Variants in GSG1L observed in about 807,000 individuals in gnomAD.
GSG1L encodes germ cell-specific gene 1-like protein.
A neutral mutation model predicts 42.1 loss-of-function variants in GSG1L; 24 were observed. The ratio of observed to expected loss-of-function variants is 0.57; its 90% CI spans 0.41 to 0.80. The LOEUF (loss-of-function observed/expected upper bound fraction) is 0.80, where lower values mean the gene tolerates loss of function less well. Ranked by LOEUF, GSG1L falls within the 30% of genes least tolerant of loss-of-function variation. The pLI, the probability that GSG1L is intolerant of heterozygous loss-of-function variation, is 0.00. For synonymous variants in GSG1L, 215 were observed against 203.5 expected (o/e 1.06, Z -0.48); for missense variants, 445 against 472.2 (o/e 0.94, Z 0.53).
At chr16:28,031,419 G>C (rs2085962944) in intron 1 of GSG1L, among the ~76,000 whole-genome samples, 1 of 151,620 alleles carries the variant, frequency 6.6e-6, no homozygotes, top group Non-Finnish European at 1.5e-5. Flanking sequence ...ATGGGATGAT[G>C]GGATGGGTTG....
Position 27,828,828 on chromosome 16 carries a change from G to T in GSG1L, c.791C>A (p.Thr264Asn). Residue 264 changes from threonine to asparagine, a missense_variant, in exon 5 of 7, where the codon ACC becomes AAC. Thr to Asn is a moderately conservative substitution (Grantham distance 65). This residue lies in a region of GSG1L where 140 missense variants were observed against 120.6 expected (regional missense o/e 1.16). Transcript: ENST00000447459. ...VFEQGYREEP[T>N]FIDPEAIKYF... is the part of the protein sequence containing the mutation. ...CTTGATGGCCTCAGGGTCTATGAAG[G>T]TCGGCTCTTCCCGGTAGCCCTGCTC... 9 of 1,614,166 alleles carry T rather than the reference G, an allele frequency of 5.6e-6. No individual in the cohort carries two copies. The highest frequency in any genetic ancestry group is 7.6e-6 in the Non-Finnish European group (9 of 1,180,026).
chr16:27,861,353 G>A (rs1013479798), intron 3 of GSG1L, among the ~76,000 whole-genome samples: 9 of 151,694 alleles, frequency 5.9e-5, no homozygotes, highest in African/African-American at 4.8e-5. Context: ...CTCTAGCCTG[G>A]GCAACAGTGA....
intron 2 of GSG1L, among the ~76,000 whole-genome samples, chr16:27,947,066 C>T (rs973743039): frequency 3.3e-5 from 5 of 152,168 alleles, no homozygotes; most frequent in South Asian, 2.1e-4. Flanking sequence ...ACCCAGAGCC[C>T]GGCTCTCAAA....
intron 1 of GSG1L, among the ~76,000 whole-genome samples, chr16:28,055,834 A>G (rs1409108672): frequency 4.6e-5 from 7 of 152,048 alleles, no homozygotes; most frequent in Non-Finnish European, 8.8e-5. Flanking sequence ...AAAGAGCTTA[A>G]CCTGCACCGT....
intron 5 of GSG1L, among the ~76,000 whole-genome samples, chr16:27,823,425 C>T (rs1031980439): frequency 1.3e-5 from 2 of 151,982 alleles, no homozygotes; most frequent in African/African-American, 4.8e-5. Flanking sequence ...GCCATGCAGT[C>T]GGCTCTTGCA....
intron 1 of GSG1L, among the ~76,000 whole-genome samples, chr16:28,007,746 G>A (rs1159470357): frequency 6.6e-6 from 1 of 151,862 alleles, no homozygotes; most frequent in Non-Finnish European, 1.5e-5. Flanking sequence ...AAACTCCTGG[G>A]CTCAAGTGAT....
intron 2 of GSG1L, among the ~76,000 whole-genome samples, chr16:27,933,048 C>G (rs917216178): frequency 3.9e-5 from 6 of 152,182 alleles, no homozygotes; most frequent in Non-Finnish European, 7.4e-5. Flanking sequence ...CTGACTAATA[C>G]ACATACTATT....
chr16:27,942,142 T>A (rs1317372395), intron 2 of GSG1L, among the ~76,000 whole-genome samples: 1 of 142,280 alleles, frequency 7.0e-6, no homozygotes, highest in South Asian at 2.3e-4. Context: ...AAATTAAAAC[T>A]TCTTCTTTTT....
chr16:28,036,466 C>G (rs1449514388), intron 1 of GSG1L, among the ~76,000 whole-genome samples: 2 of 151,370 alleles, frequency 1.3e-5, no homozygotes, highest in African/African-American at 4.9e-5. Flanking sequence ...CAGTTCCCCC[C>G]TGGTCTGGGG....
At chr16:27,858,028 C>G (rs76821604) in intron 3 of GSG1L, among the ~76,000 whole-genome samples, 1 of 152,190 alleles carries the variant, frequency 6.6e-6, no homozygotes, top group Non-Finnish European at 1.5e-5. Flanking sequence ...CAAGAACATT[C>G]CTCCCAGCAC....
chr16:27,837,635 C>T (rs2140975456), intron 4 of GSG1L, among the ~76,000 whole-genome samples: 1 of 152,352 alleles, frequency 6.6e-6, no homozygotes, highest in East Asian at 1.9e-4. Flanking sequence ...GAGAAAGGGG[C>T]ACCTTGTTAC....
chr16:27,892,796 A>C (rs2141034315), intron 2 of GSG1L, among the ~76,000 whole-genome samples: 1 of 151,946 alleles, frequency 6.6e-6, no homozygotes, highest in South Asian at 2.1e-4. Flanking sequence ...TCTCAAAAAA[A>C]AAAAAAAAAA....
Position 27,888,509 on chromosome 16 carries a change from T to TTCTTTC in GSG1L, c.398-3877_398-3872dup, listed in dbSNP as rs1466597623. Among the ~76,000 whole-genome samples, 3 of 13,398 alleles carry TTCTTTC rather than the reference T, an allele frequency of 2.2e-4. No individual in the cohort carries two copies. The East Asian group carries it at 7.4e-3, about 33-fold the overall frequency. The allele number at this position is 13,398 out of a possible 152,430, so 8.8% of individuals were successfully genotyped here. A position where few individuals can be genotyped will look rare whatever the true frequency, so the allele number is the denominator to read the frequency against. ...TTTCTTTCTTTCTTTCTTTCTTTCT[T>TTCTTTC]TCTTTCTTTCTTTCTTTCTTTCTTT... On this transcript the variant is annotated intron_variant, in intron 2 of 6. Transcript: ENST00000447459.
intron 3 of GSG1L, among the ~76,000 whole-genome samples, chr16:27,849,207 A>ACCCC (rs1567485091): frequency 4.1e-5 from 6 of 145,564 alleles, no homozygotes; most frequent in East Asian, 3.9e-4. Context: ...CAAAAAGAAA[A>ACCCC]AAAAAAAAAA....
chr16:27,821,983 A>T lies in GSG1L; in HGVS notation c.830+6806T>A, dbSNP rs566014916. Among the ~76,000 whole-genome samples the T allele has an allele frequency of 3.3e-5, 5 of 151,886 alleles. No individual in the cohort carries two copies. In the South Asian group the frequency reaches 1.0e-3, roughly 32 times the overall value. ...GCTAAACAAAACACATCTGCAGGCC[A>T]GATTCTCCAAGGACTACCATTTGCC... is the stretch of plus-strand genomic sequence containing the variant. On this transcript the variant is annotated intron_variant, in intron 5 of 6. Transcript: ENST00000447459.
chr16:27,802,827 A>G (rs559170601), intron 6 of GSG1L, among the ~76,000 whole-genome samples: 1 of 150,402 alleles, frequency 6.6e-6, no homozygotes, highest in Admixed American at 6.6e-5. Context: ...GCTAATTTTA[A>G]CTTTTTTTTT....
At chr16:27,922,286 A>G (rs1162423528) in intron 2 of GSG1L, among the ~76,000 whole-genome samples, 1 of 152,068 alleles carries the variant, frequency 6.6e-6, no homozygotes, top group Non-Finnish European at 1.5e-5. Context: ...TGCCCAAGAT[A>G]TTTGTCTAAT....
chr16:27,817,599 T>TCC (rs2083110231), intron 5 of GSG1L, among the ~76,000 whole-genome samples: 1 of 152,078 alleles, frequency 6.6e-6, no homozygotes, highest in Non-Finnish European at 1.5e-5. Flanking sequence ...CAAGTGATCC[T>TCC]CCACCCACCT....
chr16:27,906,902 C>A (rs771912613), intron 2 of GSG1L, among the ~76,000 whole-genome samples: 11 of 152,164 alleles, frequency 7.2e-5, no homozygotes, highest in African/African-American at 2.4e-4. Context: ...GTCTCACCAC[C>A]TCCACTGCCC....
Sources: allele counts gnomAD v4.1 joint callset (sites outside exome capture counted in the v4.1 genomes callset), GRCh38; gene constraint gnomAD v4.1.1; regional missense constraint gnomAD v4.1.1; transcripts MANE v1.5; gene names NCBI Gene and HGNC (gene_info 2026-07-23, HGNC 2026-07-21).